SPTA1: variants seen among roughly 807,000 people sequenced by gnomAD.
SPTA1 encodes spectrin alpha, erythrocytic 1.
A neutral mutation model predicts 324.7 loss-of-function variants in SPTA1; 177 were observed. The ratio of observed to expected loss-of-function variants is 0.55; its 90% CI spans 0.48 to 0.62. The LOEUF is 0.62. Ranked by LOEUF, SPTA1 falls within the 20% of genes least tolerant of loss-of-function variation. The pLI, the probability that SPTA1 is intolerant of heterozygous loss-of-function variation, is 0.00. For missense variants in SPTA1, 3,162 were observed against 2,883.6 expected, an observed-to-expected ratio of 1.10 and a Z score of -2.21; for synonymous variants, 1,195 against 1,041.3, an observed-to-expected ratio of 1.15 and a Z score of -2.84.
At chr1:158,611,442 T>A in intron 51 of SPTA1, 53 bp from the exon 52 acceptor site, 1 of 1,607,830 alleles carries the variant, frequency 6.2e-7, no homozygotes, top group Non-Finnish European at 8.5e-7. Flanking sequence ...AAATAGCTGG[T>A]TCCTTGGGGC....
In SPTA1 at chr1:158,667,874, C is replaced by T. The variant is rs1292263196; in HGVS notation, c.2022G>A (p.Glu674=). The T allele has an allele frequency of 2.5e-6, 4 of 1,613,792 alleles. No homozygotes were observed. Among genetic ancestry groups the T allele is most frequent in the Admixed American group, 1.7e-5 (1 of 59,974 alleles). ...GCTTTTTACCTTTCTGTTTTGTAGCCTCCAGCAACTCCTCCCAGAGGCTGG... is the reference window on the plus strand; with the variant it reads ...GCTTTTTACCTTTCTGTTTTGTAGCTTCCAGCAACTCCTCCCAGAGGCTGG... The part of the protein sequence containing the change: ...EVASLWEELL[E]ATKQKGTQLH... The change falls in exon 15 of 52, where the codon GAG becomes GAA. Residue 674 remains glutamate (E), a synonymous_variant. Transcript: ENST00000643759.
chr1:158,667,633 T>A (rs562077930), intron 15 of SPTA1, among the ~76,000 whole-genome samples: 137 of 152,248 alleles, frequency 9.0e-4, no homozygotes, highest in Admixed American at 3.1e-3. Flanking sequence ...AATTTTTTTT[T>A]AAAAACCTTA....
chr1:158,655,448 T>C (rs1652763358), intron 20 of SPTA1, among the ~76,000 whole-genome samples: 1 of 152,106 alleles, frequency 6.6e-6, no homozygotes, highest in Admixed American at 6.5e-5. Context: ...CTTCCTCAGG[T>C]TGGAGTTGAA....
rs779313676 is a variant in SPTA1 at position 158,673,244 on chromosome 1, T to C, written c.1351-1048A>G. 2.6e-5 allele frequency among the ~76,000 whole-genome samples: 4 copies of C among 152,262 alleles called. No homozygotes were observed. In the East Asian group the frequency reaches 5.8e-4, roughly 22 times the overall value. Reference sequence around the variant, plus strand: ...AAAATAAAAAAAAACTATATTATAATGTTCCCACAGAGTTCTGGGAGAATT... The same window carrying C: ...AAAATAAAAAAAAACTATATTATAACGTTCCCACAGAGTTCTGGGAGAATT... On this transcript the variant is annotated intron_variant, in intron 10 of 51. Transcript: ENST00000643759.
chr1:158,682,032 A>G (rs963809585), intron 3 of SPTA1, among the ~76,000 whole-genome samples: 3 of 152,204 alleles, frequency 2.0e-5, no homozygotes, highest in African/African-American at 7.2e-5. Context: ...TGTTCTAAGA[A>G]GAGCAAACAG....
At chr1:158,670,365 A>G (rs1377110961) in intron 12 of SPTA1, among the ~76,000 whole-genome samples, 2 of 152,254 alleles carry the variant, frequency 1.3e-5, no homozygotes, top group African/African-American at 4.8e-5. Flanking sequence ...AATAAATGAT[A>G]ACACTTTATA....
At position 158,636,745 on chromosome 1, in the gene SPTA1, C is replaced by T; in HGVS notation, c.5206G>A (p.Val1736Met). Residue 1736 changes from valine to methionine, a missense_variant, in exon 37 of 52, where the codon GTG (valine) becomes ATG (methionine). By Grantham distance (21) the Val-to-Met change is conservative. Transcript: ENST00000643759. ...ESWIEEKLIRVSSQDYGRDLQ... is the reference protein window; with the variant it reads ...ESWIEEKLIRMSSQDYGRDLQ... ...TCTCTCCCATAGTCCTGGGAGCTCA[C>T]TCGTATCAACTTCTCCCTAAAATCA... The T allele has an allele frequency of 1.9e-6, 3 of 1,614,114 alleles. No homozygotes were observed. The highest frequency in any genetic ancestry group is 2.5e-6 in the Non-Finnish European group (3 of 1,179,992).
chr1:158,643,516 C>T (rs1336534882), intron 30 of SPTA1, 91 bp from the exon 31 acceptor site: 3 of 1,257,722 alleles, frequency 2.4e-6, no homozygotes, highest in Admixed American at 3.7e-5. Flanking sequence ...ATGAAGGTAT[C>T]CTTTGTGGAT....
chr1:158,638,283 C>T (rs1430924396), intron 35 of SPTA1, 42 bp from the exon 36 acceptor site: 1 of 1,581,624 alleles, frequency 6.3e-7, no homozygotes, highest in Admixed American at 1.7e-5. Context: ...ATAGTATAGG[C>T]ATTACTCAGA....
At chr1:158,650,602 A>G (rs1652349306) in intron 24 of SPTA1, among the ~76,000 whole-genome samples, 1 of 152,206 alleles carries the variant, frequency 6.6e-6, no homozygotes, top group Non-Finnish European at 1.5e-5. Flanking sequence ...TGTGTCTTCC[A>G]GTAAACTTTC....
intron 21 of SPTA1, 126 bp downstream of exon 21, chr1:158,654,485 T>A: frequency 7.5e-7 from 1 of 1,326,782 alleles, no homozygotes; most frequent in Non-Finnish European, 1.0e-6. Flanking sequence ...TAATCAGTTA[T>A]AGTTATTCAA....
At chr1:158,662,582 G>A (rs1451834903) in intron 17 of SPTA1, 120 bp downstream of exon 17, 1 of 1,363,558 alleles carries the variant, frequency 7.3e-7, no homozygotes, top group Non-Finnish European at 1.0e-6. Flanking sequence ...ATTTTCATGA[G>A]TGTGAGAAGA....
rs1571459542 is a variant in SPTA1 at position 158,653,405 on chromosome 1, A to G, written c.3057T>C (p.Ala1019=). 1.9e-6 allele frequency: 3 copies of G among 1,613,942 alleles called. No individual in the cohort carries two copies. Among genetic ancestry groups the G allele is most frequent in the Non-Finnish European group, 2.5e-6 (3 of 1,180,004 alleles). Residue 1019 remains alanine (A), a synonymous_variant, in exon 22 of 52, where the codon GCT becomes GCC. Transcript: ENST00000643759. Reference sequence around the variant, plus strand: ...CTGGGACAATGCCCTGATGATCAGCAGCTTCCACCTTCCACCAGTCCTGAA... The same window carrying G: ...CTGGGACAATGCCCTGATGATCAGCGGCTTCCACCTTCCACCAGTCCTGAA... ...SINKDWWKVE[A]ADHQGIVPAV...
chr1:158,681,539 C>A lies in SPTA1; in HGVS notation c.519G>T (p.Trp173Cys). 1 of 1,613,686 alleles carries A rather than the reference C, an allele frequency of 6.2e-7. No individual in the cohort carries two copies. The highest frequency in any genetic ancestry group is 1.1e-5 in the South Asian group (1 of 91,074). ...TTAAGTTCGATACCTTGTCTCCAAT[C>A]CACTCTAAGATGTCAGCACACTCCT... The part of the protein sequence containing the change: ...YVQECADILE[W>C]IGDKEAIATS... The change falls in exon 4 of 52, where the codon TGG (tryptophan) becomes TGT (cysteine). Residue 173 changes from tryptophan (W) to cysteine (C), a missense_variant. Transcript: ENST00000643759.
In SPTA1 at chr1:158,639,685, G is replaced by T. The variant is rs760180722; in HGVS notation, c.4877C>A (p.Ala1626Glu). The T allele has an allele frequency of 2.5e-5, 40 of 1,613,650 alleles. No homozygotes were observed. The highest frequency in any genetic ancestry group is 3.2e-5 in the Non-Finnish European group (38 of 1,179,894). Reference protein sequence around the residue: ...IRDFEFWLSEAETLLAMKDQA... With the variant: ...IRDFEFWLSEEETLLAMKDQA... ...ATCTTTCATGGCCAGCAATGTCTCTGCCTGGAAATAGAGAAATAAGCAATA... is the reference window on the plus strand; with the variant it reads ...ATCTTTCATGGCCAGCAATGTCTCTTCCTGGAAATAGAGAAATAAGCAATA... The change falls in exon 35 of 52, where the codon GCA (alanine) becomes GAA (glutamate). Residue 1626 changes from alanine to glutamate, a missense_variant and splice_region_variant. Coordinates refer to ENST00000643759, the MANE Select transcript of SPTA1 (RefSeq NM_003126.4).
intron 5 of SPTA1, among the ~76,000 whole-genome samples, chr1:158,679,503 C>A (rs1307689548): frequency 6.6e-6 from 1 of 152,080 alleles, no homozygotes; most frequent in Non-Finnish European, 1.5e-5. Context: ...TATTCTCACA[C>A]TCTTGTAACA....
chr1:158,614,374 C>T (rs1447793759), intron 48 of SPTA1, 68 bp from the exon 49 acceptor site: 3 of 1,117,526 alleles, frequency 2.7e-6, no homozygotes, highest in Admixed American at 4.0e-5. Context: ...ACACAAGCCA[C>T]ATGGAAGAGA....
chr1:158,660,562 C>T (rs1289032802), intron 18 of SPTA1, among the ~76,000 whole-genome samples: 1 of 152,176 alleles, frequency 6.6e-6, no homozygotes. Context: ...AAGACAAAAT[C>T]TACAAGTATA....
rs1025825388 is a variant in SPTA1 at position 158,627,686 on chromosome 1, A to C, written c.5603T>G (p.Phe1868Cys). ...TTGTACTCGGGTCTCATGGACAGCAAAGTCATTTTCCAAAGCTTCATGCTT... is the reference window on the plus strand; with the variant it reads ...TTGTACTCGGGTCTCATGGACAGCACAGTCATTTTCCAAAGCTTCATGCTT... ...LMKHEALENDFAVHETRVQNV... is the reference protein window; with the variant it reads ...LMKHEALENDCAVHETRVQNV... Residue 1868 changes from phenylalanine to cysteine, a missense_variant, in exon 40 of 52, where the codon TTT becomes TGT. Transcript: ENST00000643759. 9 of 1,613,178 alleles carry C rather than the reference A, an allele frequency of 5.6e-6. No homozygotes were observed. Among genetic ancestry groups the C allele is most frequent in the Non-Finnish European group, 6.8e-6 (8 of 1,179,746 alleles).
Sources: gnomAD v4.1 joint callset for allele counts (sites outside exome capture counted in the v4.1 genomes callset) on GRCh38, gnomAD v4.1.1 for gene constraint, MANE v1.5 for transcripts, NCBI Gene and HGNC (gene_info 2026-07-23, HGNC 2026-07-21) for gene names.